Variants in EEFSEC observed in about 807,000 individuals in gnomAD.
EEFSEC encodes the protein eukaryotic elongation factor, selenocysteine-tRNA specific.
Under a neutral mutation model 42.1 loss-of-function variants are expected in EEFSEC, and 43 were observed. That is an observed-to-expected ratio of 1.02 (90% CI 0.80 to 1.32). The LOEUF (loss-of-function observed/expected upper bound fraction) is 1.32. EEFSEC is among the 40% of genes most tolerant of loss of function. The pLI is 0.00. For missense variants in EEFSEC, 745 were observed against 803.6 expected (o/e 0.93, Z 0.88); for synonymous variants, 354 against 339.1 (o/e 1.04, Z -0.48).
At chr3:128,176,534 A>G (rs2107784118) in intron 1 of EEFSEC, among the ~76,000 whole-genome samples, 1 of 152,358 alleles carries the variant, frequency 6.6e-6, no homozygotes, top group Non-Finnish European at 1.5e-5. Flanking sequence ...ACTGATAGGT[A>G]CCAATCACTG....
At chr3:128,333,738 C>T (rs1029535703) in intron 4 of EEFSEC, among the ~76,000 whole-genome samples, 1 of 152,190 alleles carries the variant, frequency 6.6e-6, no homozygotes, top group Non-Finnish European at 1.5e-5. Context: ...GAGATGAGCA[C>T]AGGATGACTC....
At chr3:128,158,609 T>G (rs367919923) in intron 1 of EEFSEC, among the ~76,000 whole-genome samples, 1 of 152,264 alleles carries the variant, frequency 6.6e-6, no homozygotes, top group Non-Finnish European at 1.5e-5. Flanking sequence ...ATTAGCATTT[T>G]TTAGCAATGA....
chr3:128,402,048 G>A (rs535724824), intron 6 of EEFSEC, among the ~76,000 whole-genome samples: 250 of 152,314 alleles, frequency 1.6e-3, no homozygotes, highest in Non-Finnish European at 2.9e-3. Context: ...AGATTGCACC[G>A]GTAGGCACCG....
At chr3:128,381,728 G>A (rs2067778419) in intron 6 of EEFSEC, among the ~76,000 whole-genome samples, 1 of 152,206 alleles carries the variant, frequency 6.6e-6, no homozygotes, top group Admixed American at 6.5e-5. Flanking sequence ...GGGCAGGTCT[G>A]ACACGGAAGG....
intron 2 of EEFSEC, among the ~76,000 whole-genome samples, chr3:128,253,070 G>A (rs187694085): frequency 6.6e-6 from 1 of 152,230 alleles, no homozygotes; most frequent in African/African-American, 2.4e-5. Flanking sequence ...CATGTTCAGC[G>A]TGTTGGGAAG....
chr3:128,230,470 A>G lies in EEFSEC; in HGVS notation c.317-16366A>G, dbSNP rs868258638. ...GTACTTGGCCACTGGAGGCTTTTAT[A>G]TTTGGGACAACTGCTCTCCACTTTC... On this transcript the variant is annotated intron_variant, in intron 1 of 6. Coordinates refer to ENST00000254730, the MANE Select transcript of EEFSEC (RefSeq NM_021937.5). Among the ~76,000 whole-genome samples, 3 of 152,118 alleles carry G rather than the reference A, an allele frequency of 2.0e-5. No individual in the cohort carries two copies. In the East Asian group the frequency reaches 5.8e-4, roughly 29 times the overall value.
chr3:128,259,536 T>G (rs967616525), intron 2 of EEFSEC, among the ~76,000 whole-genome samples: 1 of 152,270 alleles, frequency 6.6e-6, no homozygotes, highest in Admixed American at 6.5e-5. Context: ...ATTCACATAC[T>G]ATGAAATTCA....
chr3:128,382,345 A>C (rs897891417), intron 6 of EEFSEC, among the ~76,000 whole-genome samples: 1 of 152,196 alleles, frequency 6.6e-6, no homozygotes, highest in Non-Finnish European at 1.5e-5. Flanking sequence ...AGGCAACCCT[A>C]TGCCCTCGTC....
At position 128,264,781 on chromosome 3, in the gene EEFSEC, G is replaced by A; in HGVS notation, c.786G>A (p.Lys262=). ...ACAGTGTGGAGATCCCTGCCCTCAA[G>A]GTCAGTCTTACCTTGTCTTCCCTTC... is the stretch of plus-strand genomic sequence containing the variant. ...LGDSVEIPAL[K]VVKKVKSMQM... Residue 262 remains lysine (K), a splice_region_variant and synonymous_variant, in exon 4 of 7, where the codon AAG becomes AAA. Transcript: ENST00000254730. 6.2e-7 allele frequency: 1 copy of A among 1,613,590 alleles called. No homozygotes were observed. Among genetic ancestry groups the A allele is most frequent in the Non-Finnish European group, 8.5e-7 (1 of 1,179,700 alleles).
At chr3:128,278,408 C>T (rs2066490389) in intron 4 of EEFSEC, among the ~76,000 whole-genome samples, 1 of 152,108 alleles carries the variant, frequency 6.6e-6, no homozygotes, top group South Asian at 2.1e-4. Context: ...GTGGAGGAGC[C>T]GTTGGTGAGA....
chr3:128,405,852 G>T (rs79139731), intron 6 of EEFSEC, among the ~76,000 whole-genome samples: 6,635 of 152,356 alleles, frequency 0.044, 482 homozygotes, highest in African/African-American at 0.15. Context: ...TTCCCAGCCT[G>T]TACAGGCCCT....
At chr3:128,341,985 C>T (rs1243191641) in intron 5 of EEFSEC, 96 bp downstream of exon 5, 1 of 1,464,368 alleles carries the variant, frequency 6.8e-7, no homozygotes, top group Non-Finnish European at 9.1e-7. Flanking sequence ...CAGAAAGGCC[C>T]TCAGAGACCT....
At chr3:128,251,415 T>G (rs1303896364) in intron 2 of EEFSEC, among the ~76,000 whole-genome samples, 2 of 152,234 alleles carry the variant, frequency 1.3e-5, no homozygotes, top group East Asian at 1.9e-4. Flanking sequence ...TCCAGAAGTG[T>G]TCTACCATTT....
intron 4 of EEFSEC, among the ~76,000 whole-genome samples, chr3:128,271,641 C>T (rs1483218176): frequency 6.6e-6 from 1 of 152,160 alleles, no homozygotes; most frequent in Non-Finnish European, 1.5e-5. Context: ...CAGATCAGCC[C>T]ACCCTTGGTT....
chr3:128,343,981 T>C (rs2067284412), intron 5 of EEFSEC, among the ~76,000 whole-genome samples: 1 of 152,200 alleles, frequency 6.6e-6, no homozygotes, highest in Non-Finnish European at 1.5e-5. Context: ...TGACTGTGGA[T>C]GTGTGCAGAG....
downstream of EEFSEC, among the ~76,000 whole-genome samples, chr3:128,408,962 T>C (rs7612413): frequency 0.27 from 40,762 of 152,082 alleles, 10,402 homozygotes; most frequent in African/African-American, 0.66. Context: ...TGGAGGCTTG[T>C]TCCTCCACCC....
At chr3:128,279,978 G>C (rs1352427320) in intron 4 of EEFSEC, among the ~76,000 whole-genome samples, 1 of 152,228 alleles carries the variant, frequency 6.6e-6, no homozygotes, top group East Asian at 1.9e-4. Context: ...CATCGAACAC[G>C]ATGGTGCAGA....
chr3:128,366,650 T>A (rs2067593835), intron 6 of EEFSEC, among the ~76,000 whole-genome samples: 1 of 152,174 alleles, frequency 6.6e-6, no homozygotes, highest in South Asian at 2.1e-4. Context: ...CACTGACTCT[T>A]GTGTGTGGAA....
chr3:128,247,150 C>A, intron 2 of EEFSEC, 107 bp downstream of exon 2: 1 of 1,155,080 alleles, frequency 8.7e-7, no homozygotes, highest in Non-Finnish European at 1.3e-6. Context: ...GCCTCCCGTC[C>A]TAGTAAGTGA....
Sources: gnomAD v4.1 joint callset for allele counts (sites outside exome capture counted in the v4.1 genomes callset) on GRCh38, gnomAD v4.1.1 for gene constraint, MANE v1.5 for transcripts, NCBI Gene and HGNC (gene_info 2026-07-23, HGNC 2026-07-21) for gene names.